The following XCR1 variants were observed in gnomAD, a reference collection of about 807,000 sequenced individuals.
The protein encoded by XCR1 is chemokine XC receptor 1.
For synonymous variants in XCR1, 187 were observed against 188.5 expected (o/e 0.99, Z 0.06); for missense variants, 356 against 424.2 (o/e 0.84, Z 1.41).
intron 1 of XCR1, among the ~76,000 whole-genome samples, chr3:46,024,983 C>T (rs1311774063): frequency 6.6e-6 from 1 of 152,026 alleles, no homozygotes; most frequent in African/African-American, 2.4e-5. Flanking sequence ...AAATATTTTG[C>T]ATTGATAATA....
chr3:46,033,577 T>C (rs1341188896), intron 5 of XCR1, among the ~76,000 whole-genome samples: 1 of 152,230 alleles, frequency 6.6e-6, no homozygotes, highest in Non-Finnish European at 1.5e-5. Flanking sequence ...TGTAACTTTA[T>C]ATAAAGTCTT....
At chr3:46,056,227 G>C (rs1035230602) in intron 4 of XCR1, among the ~76,000 whole-genome samples, 1 of 152,092 alleles carries the variant, frequency 6.6e-6, no homozygotes, top group African/African-American at 2.4e-5. Context: ...ATTTTTAGTA[G>C]AGATGGGGTT....
intron 5 of XCR1, among the ~76,000 whole-genome samples, chr3:46,032,999 G>A (rs71327011): frequency 1.1e-3 from 171 of 152,128 alleles, no homozygotes; most frequent in Non-Finnish European, 1.0e-3. Flanking sequence ...TGAGTTCTAA[G>A]AGTTCTTTGT....
At chr3:46,031,641 C>T (rs567669923), upstream of XCR1, among the ~76,000 whole-genome samples, 7 of 152,166 alleles carry the variant, frequency 4.6e-5, no homozygotes, top group Non-Finnish European at 1.0e-4. Context: ...CTGGTGAAGC[C>T]CCACCTTCAA....
chr3:46,080,315 A>C (rs1308137053), intron 1 of XCR1, among the ~76,000 whole-genome samples: 1 of 152,224 alleles, frequency 6.6e-6, no homozygotes, highest in Non-Finnish European at 1.5e-5. Flanking sequence ...AAAGGCAATC[A>C]TTTCACTGAC....
At chr3:46,057,935 C>T (rs6798241) in intron 4 of XCR1, among the ~76,000 whole-genome samples, 5,926 of 69,910 alleles carry the variant, frequency 0.085, 182 homozygotes, top group African/African-American at 0.23. Flanking sequence ...TATCTATCTA[C>T]GCATCCATCT....
In XCR1 at chr3:46,020,718, T is replaced by A. The variant is rs1708122476; in HGVS notation, c.*228A>T. The stretch of plus-strand genomic sequence containing the variant: ...CAAGATGAACTCAGAGTTCAAGAAA[T>A]GTTTTTTTGGATGGCAGTATAAAAT... On this transcript the variant is annotated 3_prime_UTR_variant, in exon 2 of 2. Coordinates refer to ENST00000309285, the MANE Select transcript of XCR1 (RefSeq NM_001024644.2). 2 of 583,774 alleles carry A rather than the reference T, an allele frequency of 3.4e-6. No individual in the cohort carries two copies. 36.2% of individuals were successfully genotyped at this position (583,774 alleles called of 1,614,324 possible).
chr3:46,043,717 TAC>T (rs144432920), intron 5 of XCR1, among the ~76,000 whole-genome samples: 1,744 of 141,436 alleles, frequency 0.012, 12 homozygotes, highest in East Asian at 0.043. Flanking sequence ...ACCTCATCTC[TAC>T]ACACACACAC....
chr3:46,071,284 G>T (rs1212409024), intron 3 of XCR1, among the ~76,000 whole-genome samples: 3 of 151,818 alleles, frequency 2.0e-5, no homozygotes, highest in Non-Finnish European at 4.4e-5. Flanking sequence ...AAAAAAAATT[G>T]CCAGATTTTT....
intron 5 of XCR1, among the ~76,000 whole-genome samples, chr3:46,049,232 T>C (rs556597537): frequency 6.6e-6 from 1 of 152,262 alleles, no homozygotes; most frequent in Non-Finnish European, 1.5e-5. Context: ...CTTCTACAGG[T>C]GTGGCTCCAG....
In XCR1 at chr3:46,021,080, C is replaced by T. The variant is rs1225791245; in HGVS notation, c.868G>A (p.Val290Met). Residue 290 changes from valine to methionine, a missense_variant, in exon 2 of 2, where the codon GTG becomes ATG. Physicochemically the swap from Val to Met is conservative, Grantham distance 21. Coordinates refer to ENST00000309285, the MANE Select transcript of XCR1 (RefSeq NM_001024644.2). This position sits in a 1 kb window ranked among gnomAD's most constrained non-coding sequence, Gnocchi z 4.7. ...AGGTGTGTGCGGAACTTGACCCCCA[C>T]GAAGACATAGAGCACCGGGTTAAAG... ...CCFNPVLYVF[V>M]GVKFRTHLKH... 7.4e-6 allele frequency: 12 copies of T among 1,614,210 alleles called. No individual in the cohort carries two copies. Among genetic ancestry groups the T allele is most frequent in the Middle Eastern group, 1.6e-4 (1 of 6,062 alleles).
In XCR1 at chr3:46,021,274, TTGACCGTGCGGTGGCGCCGCTTGGAGCG is replaced by T; in HGVS notation, c.646_673del (p.Arg216SerfsTer41). The T allele has an allele frequency of 6.2e-7, 1 of 1,614,126 alleles. No homozygotes were observed. Among genetic ancestry groups the T allele is most frequent in the Non-Finnish European group, 8.5e-7 (1 of 1,180,016 alleles). The stretch of plus-strand genomic sequence containing the variant: ...GGCCACCACGATGGCGAAGATGAGC[TTGACCGTGCGGTGGCGCCGCTTGGAGCG>T]TGAGCGGAACAGGGTCCTGAGGATC... On this transcript the variant is annotated frameshift_variant, in exon 2 of 2. Transcript: ENST00000309285. LOFTEE classifies it low-confidence loss of function (END_TRUNC). This position sits in a 1 kb window ranked among gnomAD's most constrained non-coding sequence, Gnocchi z 4.7.
rs147043130 is a variant in XCR1, at chr3:46,063,887, T to G, written c.-183+3012A>C. ...CCCAATGGTTATTACTAATATTTTTTGAGACAGGGCCTCGCTCTGCCACCC... is the reference window on the plus strand; with the variant it reads ...CCCAATGGTTATTACTAATATTTTTGGAGACAGGGCCTCGCTCTGCCACCC... On this transcript the variant is annotated intron_variant, in intron 4 of 5. Coordinates refer to the XCR1 transcript ENST00000683768. 2.1e-3 allele frequency among the ~76,000 whole-genome samples: 324 copies of G among 152,334 alleles called. 10 individuals carry two copies. The East Asian group carries it at 0.053, about 25-fold the overall frequency.
At chr3:46,070,788 A>G (rs554570234) in intron 3 of XCR1, among the ~76,000 whole-genome samples, 12 of 151,970 alleles carry the variant, frequency 7.9e-5, no homozygotes, top group African/African-American at 2.7e-4. Context: ...TTGATATGTG[A>G]CATTTTGTTC....
chr3:46,020,272 C>T lies in XCR1; in HGVS notation c.*674G>A, dbSNP rs546642798. The T allele has an allele frequency of 6.6e-5, 10 of 152,560 alleles. No homozygotes were observed. Among genetic ancestry groups the T allele is most frequent in the African/African-American group, 2.2e-4 (9 of 41,584 alleles). The allele number at this position is 152,560 out of a possible 1,614,324, so 9.5% of individuals were successfully genotyped here. On this transcript the variant is annotated 3_prime_UTR_variant, in exon 2 of 2. Coordinates refer to ENST00000309285, the MANE Select transcript of XCR1 (RefSeq NM_001024644.2). ...AATAAATACTTAGTGCAGAAGGTAG[C>T]ACTTATTAAATTCATTCCTTCAATC...
chr3:46,041,059 T>C (rs925949522), intron 5 of XCR1, among the ~76,000 whole-genome samples: 2 of 152,246 alleles, frequency 1.3e-5, no homozygotes, highest in Non-Finnish European at 2.9e-5. Flanking sequence ...CCTTTAAATA[T>C]GCTTTGTATA....
rs1188753169 is a variant in XCR1, at chr3:46,019,179, A to T, written c.*1767T>A. ...TACTACTACACCCTACTCTCTTTCTACTACTCTCTGAGAGTGTAGACTAGG... is the reference window on the plus strand; with the variant it reads ...TACTACTACACCCTACTCTCTTTCTTCTACTCTCTGAGAGTGTAGACTAGG... On this transcript the variant is annotated 3_prime_UTR_variant, in exon 2 of 2. Coordinates refer to ENST00000309285, the MANE Select transcript of XCR1 (RefSeq NM_001024644.2). 1 of 152,172 alleles carries T rather than the reference A, an allele frequency of 6.6e-6. No homozygotes were observed. Among genetic ancestry groups the T allele is most frequent in the Admixed American group, 6.5e-5 (1 of 15,268 alleles). The allele number at this position is 152,172 out of a possible 1,614,324, so 9.4% of individuals were successfully genotyped here.
intron 1 of XCR1, 48 bp downstream of exon 1, chr3:46,027,369 T>C (rs1286508959): frequency 6.6e-6 from 1 of 152,218 alleles, no homozygotes; most frequent in Non-Finnish European, 1.5e-5. Context: ...TATAGGCTGT[T>C]ACAATTAGAG....
intron 5 of XCR1, among the ~76,000 whole-genome samples, chr3:46,046,973 T>G (rs938750788): frequency 6.6e-6 from 1 of 152,164 alleles, no homozygotes; most frequent in Non-Finnish European, 1.5e-5. Context: ...CAAATATGAG[T>G]GTGATTAAAA....
Sources: allele counts gnomAD v4.1 joint callset (sites outside exome capture counted in the v4.1 genomes callset), GRCh38; gene constraint gnomAD v4.1.1; non-coding constraint Gnocchi (gnomAD v3.1); transcripts MANE v1.5; gene names NCBI Gene and HGNC (gene_info 2026-07-23, HGNC 2026-07-21).